LRRN1: variants seen among roughly 807,000 people sequenced by gnomAD.
The protein encoded by LRRN1 is leucine-rich repeat neuronal protein 1.
A neutral mutation model predicts 45.8 loss-of-function variants in LRRN1; 14 were observed. The ratio of observed to expected loss-of-function variants is 0.31; its 90% CI spans 0.20 to 0.48. The LOEUF is 0.48. LRRN1 is among the 20% of genes least tolerant of loss of function. The pLI is 0.99. For missense variants in LRRN1, 789 were observed against 874.2 expected (o/e 0.90, Z 1.23); for synonymous variants, 359 against 330.1 (o/e 1.09, Z -0.95).
intron 1 of LRRN1, among the ~76,000 whole-genome samples, chr3:3,822,013 G>A (rs781660402): frequency 5.3e-5 from 8 of 152,136 alleles, no homozygotes; most frequent in East Asian, 1.9e-4. Context: ...CTGCCCAGAC[G>A]GATTGGGATA....
intron 1 of LRRN1, among the ~76,000 whole-genome samples, chr3:3,838,666 T>A (rs895333017): frequency 6.6e-6 from 1 of 152,190 alleles, no homozygotes; most frequent in Non-Finnish European, 1.5e-5. Flanking sequence ...GGTTACAATT[T>A]CTCTACATCC....
In LRRN1 at chr3:3,846,379, G is replaced by C; in HGVS notation, c.1738G>C (p.Glu580Gln). The change falls in exon 2 of 2, where the codon GAA becomes CAA. Residue 580 changes from glutamate (E) to glutamine (Q), a missense_variant. Physicochemically the swap from Glu to Gln is conservative, Grantham distance 29. Coordinates refer to ENST00000319331, the MANE Select transcript of LRRN1 (RefSeq NM_020873.7). The surrounding 1 kb of genome is among the most constrained non-coding windows in gnomAD (Gnocchi z 5.7). ...YTARVPVDVHEYNLTHLQPST... is the reference protein window; with the variant it reads ...YTARVPVDVHQYNLTHLQPST... ...TGCCAGGGTCCCAGTCGATGTCCATGAATACAACCTAACGCATCTGCAGCC... is the reference window on the plus strand; with the variant it reads ...TGCCAGGGTCCCAGTCGATGTCCATCAATACAACCTAACGCATCTGCAGCC... The C allele has an allele frequency of 6.2e-7, 1 of 1,613,766 alleles. No individual in the cohort carries two copies. The highest frequency in any genetic ancestry group is 1.1e-5 in the South Asian group (1 of 91,084).
rs368367608 is a variant in LRRN1 at position 3,844,980 on chromosome 3, C to T, written c.339C>T (p.Val113=). The T allele has an allele frequency of 1.8e-5, 29 of 1,614,090 alleles. No individual in the cohort carries two copies. In the African/African-American group the frequency reaches 2.0e-4, roughly 11 times the overall value. ...SQNNFTNIKE[V]GLANLTQLTT... The stretch of plus-strand genomic sequence containing the variant: ...ACAACTTTACTAACATTAAGGAGGT[C>T]GGGCTGGCAAACCTAACCCAGCTCA... The change falls in exon 2 of 2, where the codon GTC becomes GTT. Residue 113 remains valine (V), a synonymous_variant. Coordinates refer to ENST00000319331, the MANE Select transcript of LRRN1 (RefSeq NM_020873.7).
chr3:3,813,503 C>T (rs1285938314), intron 1 of LRRN1, among the ~76,000 whole-genome samples: 3 of 151,980 alleles, frequency 2.0e-5, no homozygotes, highest in East Asian at 3.9e-4. Context: ...TCCTTTATTA[C>T]ATGCTTTATG....
chr3:3,821,391 G>C (rs1041231249), intron 1 of LRRN1, among the ~76,000 whole-genome samples: 1 of 152,098 alleles, frequency 6.6e-6, no homozygotes, highest in African/African-American at 2.4e-5. Flanking sequence ...ACACAAATTA[G>C]TAACTCTCAT....
intron 1 of LRRN1, among the ~76,000 whole-genome samples, chr3:3,823,220 G>A (rs948917076): frequency 3.9e-5 from 6 of 152,256 alleles, no homozygotes; most frequent in African/African-American, 1.2e-4. Flanking sequence ...TGGGATGACT[G>A]TGTGTCCTGT....
intron 1 of LRRN1, among the ~76,000 whole-genome samples, chr3:3,815,140 C>G (rs896220908): frequency 6.6e-6 from 1 of 152,094 alleles, no homozygotes; most frequent in Non-Finnish European, 1.5e-5. Flanking sequence ...TAACCAAAAT[C>G]CCATTCAAAA....
chr3:3,824,719 C>T (rs184497008), intron 1 of LRRN1, among the ~76,000 whole-genome samples: 1 of 152,184 alleles, frequency 6.6e-6, no homozygotes, highest in African/African-American at 2.4e-5. Context: ...GCACTAAAGA[C>T]TAATGTCATT....
At chr3:3,803,378 T>C (rs1348116325) in intron 1 of LRRN1, among the ~76,000 whole-genome samples, 3 of 152,184 alleles carry the variant, frequency 2.0e-5, no homozygotes, top group Non-Finnish European at 4.4e-5. Context: ...ATATGGTAAA[T>C]TATAGGATGC....
chr3:3,804,763 T>A (rs1450527274), intron 1 of LRRN1, among the ~76,000 whole-genome samples: 1 of 147,944 alleles, frequency 6.8e-6, no homozygotes, highest in African/African-American at 2.5e-5. Context: ...GTGGCATTTT[T>A]TGGTTACCAT....
intron 1 of LRRN1, among the ~76,000 whole-genome samples, chr3:3,841,705 G>C (rs924919570): frequency 6.6e-6 from 1 of 151,990 alleles, no homozygotes; most frequent in Non-Finnish European, 1.5e-5. Flanking sequence ...TTTTAGTAGA[G>C]ACAGGGTTTC....
Position 3,846,022 on chromosome 3 carries a change from A to C in LRRN1, c.1381A>C (p.Thr461Pro). 6.2e-7 allele frequency: 1 copy of C among 1,614,010 alleles called. No homozygotes were observed. Residue 461 changes from threonine (T) to proline (P), a missense_variant, in exon 2 of 2, where the codon ACT (threonine) becomes CCT (proline). Physicochemically the swap from Thr to Pro is conservative, Grantham distance 38 (BLOSUM62 -1). Coordinates refer to ENST00000319331, the MANE Select transcript of LRRN1 (RefSeq NM_020873.7). The surrounding 1 kb of genome is among the most constrained non-coding windows in gnomAD (Gnocchi z 5.7). ...GCCAGAACCTGAAATTTACTGGGTC[A>C]CTCCCATTGGAAATAAGATAACTGT... ...AEPEPEIYWV[T>P]PIGNKITVET...
intron 1 of LRRN1, among the ~76,000 whole-genome samples, chr3:3,836,163 A>G (rs926410260): frequency 6.6e-6 from 1 of 152,218 alleles, no homozygotes; most frequent in African/African-American, 2.4e-5. Context: ...ATATGTTATA[A>G]AAGTTGGCCT....
chr3:3,805,441 A>G (rs976085057), intron 1 of LRRN1, among the ~76,000 whole-genome samples: 7 of 152,338 alleles, frequency 4.6e-5, no homozygotes, highest in Admixed American at 2.0e-4. Flanking sequence ...CGCAGGCTCA[A>G]TTCCCAGCAA....
At chr3:3,829,446 G>T (rs1460534996) in intron 1 of LRRN1, among the ~76,000 whole-genome samples, 1 of 152,118 alleles carries the variant, frequency 6.6e-6, no homozygotes, top group East Asian at 1.9e-4. Context: ...GGTGAGTGGC[G>T]CCACTTCCAC....
intron 1 of LRRN1, among the ~76,000 whole-genome samples, chr3:3,803,655 ATTAATAT>A (rs1403494085): frequency 1.3e-5 from 2 of 152,222 alleles, no homozygotes; most frequent in Non-Finnish European, 2.9e-5. Context: ...TAGAGCTCTG[ATTAATAT>A]TTAATTCAGG....
intron 1 of LRRN1, among the ~76,000 whole-genome samples, chr3:3,821,679 C>A (rs1040632567): frequency 2.0e-5 from 3 of 152,114 alleles, no homozygotes; most frequent in African/African-American, 7.2e-5. Flanking sequence ...GGATGGATCA[C>A]AGAACAGGTT....
chr3:3,806,579 C>T (rs983741540), intron 1 of LRRN1, among the ~76,000 whole-genome samples: 4 of 151,956 alleles, frequency 2.6e-5, no homozygotes, highest in African/African-American at 4.8e-5. Context: ...CTTGAGTAAA[C>T]GGGAGAGGAG....
intron 1 of LRRN1, among the ~76,000 whole-genome samples, chr3:3,843,575 C>CCA (rs1693691639): frequency 6.6e-6 from 1 of 151,298 alleles, no homozygotes; most frequent in Non-Finnish European, 1.5e-5. Flanking sequence ...CTGTACCCCC[C>CCA]CCCATACCCC....
Sources: allele counts gnomAD v4.1 joint callset (sites outside exome capture counted in the v4.1 genomes callset), GRCh38; gene constraint gnomAD v4.1.1; non-coding constraint Gnocchi (gnomAD v3.1); transcripts MANE v1.5; gene names NCBI Gene and HGNC (gene_info 2026-07-23, HGNC 2026-07-21).